Variants in WNT2B observed in about 807,000 individuals in gnomAD.
WNT2B encodes the protein protein Wnt-2b.
A neutral mutation model predicts 40.5 loss-of-function variants in WNT2B; 19 were observed. The ratio of observed to expected loss-of-function variants is 0.47; its 90% CI spans 0.33 to 0.69. The LOEUF (loss-of-function observed/expected upper bound fraction) is 0.69, where lower values mean the gene tolerates loss of function less well. WNT2B is among the 30% of genes least tolerant of loss of function. The pLI is 0.02. For missense variants in WNT2B, 467 were observed against 556.4 expected, an observed-to-expected ratio of 0.84 and a Z score of 1.62; for synonymous variants, 220 against 211.9, an observed-to-expected ratio of 1.04 and a Z score of -0.33.
chr1:112,482,978 C>T (rs1338172069), intron 1 of WNT2B, among the ~76,000 whole-genome samples: 1 of 152,030 alleles, frequency 6.6e-6, no homozygotes, highest in African/African-American at 2.4e-5. Flanking sequence ...CCTAGAATGT[C>T]CAAAGCAATC....
At chr1:112,486,120 T>C (rs1250568113) in intron 1 of WNT2B, among the ~76,000 whole-genome samples, 1 of 86,132 alleles carries the variant, frequency 1.2e-5, no homozygotes, top group Non-Finnish European at 2.2e-5. Context: ...CTGGGCAAGA[T>C]AATGAGTTTT....
chr1:112,509,405 T>G lies in WNT2B; in HGVS notation c.143T>G (p.Leu48Arg). The change falls in exon 1 of 5, where the codon CTG (leucine) becomes CGG (arginine). Residue 48 changes from leucine to arginine, a missense_variant. By Grantham distance (102) the Leu-to-Arg change is moderately radical. This residue lies in a region of WNT2B where 137 missense variants were observed against 117.7 expected (regional missense o/e 1.16). Coordinates refer to ENST00000369684, the MANE Select transcript of WNT2B (RefSeq NM_024494.3). This position sits in a 1 kb window ranked among gnomAD's most constrained non-coding sequence, Gnocchi z 4.2. ...RLGLACLLLL[L>R]LLTLPARVDT... ...GGTCTTGCCTGCCTTCTGCTCCTGC[T>G]GCTGCTGACGCTGCCGGCCCGCGTA... 1.3e-6 allele frequency: 2 copies of G among 1,595,508 alleles called. No homozygotes were observed. Among genetic ancestry groups the G allele is most frequent in the Non-Finnish European group, 1.7e-6 (2 of 1,176,814 alleles).
chr1:112,503,943 G>A (rs1652034373), intron 1 of WNT2B, among the ~76,000 whole-genome samples: 1 of 152,184 alleles, frequency 6.6e-6, no homozygotes, highest in Non-Finnish European at 1.5e-5. Context: ...CAGAGTGGGA[G>A]GGAGGCAGGC....
intron 1 of WNT2B, among the ~76,000 whole-genome samples, chr1:112,479,487 TCG>T: frequency 6.6e-6 from 1 of 151,560 alleles, no homozygotes; most frequent in Non-Finnish European, 1.5e-5. Flanking sequence ...GGCAGGAGAA[TCG>T]CTGGAACCTG....
intron 1 of WNT2B, among the ~76,000 whole-genome samples, chr1:112,502,140 C>G (rs1187742052): frequency 6.6e-6 from 1 of 152,200 alleles, no homozygotes; most frequent in Non-Finnish European, 1.5e-5. Context: ...CTCGCTCTCC[C>G]GGGCTACTCC....
chr1:112,506,062 A>G (rs1418324336), upstream of WNT2B, among the ~76,000 whole-genome samples: 1 of 152,128 alleles, frequency 6.6e-6, no homozygotes, highest in Admixed American at 6.5e-5. Context: ...GGCTGGGTGC[A>G]GTGGTGCATT....
At chr1:112,499,708 A>G (rs1651887858) in intron 1 of WNT2B, among the ~76,000 whole-genome samples, 1 of 152,252 alleles carries the variant, frequency 6.6e-6, no homozygotes, top group African/African-American at 2.4e-5. Flanking sequence ...TTACTAAATC[A>G]GAGTGTTATC....
intron 1 of WNT2B, among the ~76,000 whole-genome samples, chr1:112,481,634 G>A (rs1262753662): frequency 6.6e-6 from 1 of 152,156 alleles, no homozygotes; most frequent in Non-Finnish European, 1.5e-5. Context: ...CATGTACATA[G>A]AAAACACAGA....
intron 1 of WNT2B, among the ~76,000 whole-genome samples, chr1:112,510,752 TG>T (rs1245760487): frequency 1.3e-5 from 2 of 151,574 alleles, no homozygotes; most frequent in East Asian, 3.9e-4. Context: ...GGGGGGGTTC[TG>T]GTTGGGGGAA....
rs1243374253 is a variant in WNT2B, at chr1:112,522,738, AC to A, written c.*2230del. ...ATTTGCTCTGGTTTCACATCCATTA[AC>A]ACAAAACATGAGCTAGTCAGGGCCC... is the stretch of plus-strand genomic sequence containing the variant. On this transcript the variant is annotated 3_prime_UTR_variant, in exon 5 of 5. Coordinates refer to ENST00000369684, the MANE Select transcript of WNT2B (RefSeq NM_024494.3). 6.6e-6 allele frequency: 1 copy of A among 152,304 alleles called. No individual in the cohort carries two copies. Among genetic ancestry groups the A allele is most frequent in the Non-Finnish European group, 1.5e-5 (1 of 68,140 alleles). 9.4% of individuals were successfully genotyped at this position (152,304 alleles called of 1,614,324 possible).
At chr1:112,493,312 C>G (rs1651658288) in intron 1 of WNT2B, among the ~76,000 whole-genome samples, 1 of 152,128 alleles carries the variant, frequency 6.6e-6, no homozygotes, top group African/African-American at 2.4e-5. Flanking sequence ...ATAAGGCTAC[C>G]TCAAAAGAAA....
upstream of WNT2B, among the ~76,000 whole-genome samples, chr1:112,506,030 C>T (rs1244702047): frequency 6.6e-6 from 1 of 152,078 alleles, no homozygotes; most frequent in African/African-American, 2.4e-5. Flanking sequence ...TATTTTGAGA[C>T]AGGGTCTCAC....
chr1:112,474,894 C>T (rs570941570), intron 1 of WNT2B, among the ~76,000 whole-genome samples: 1 of 152,044 alleles, frequency 6.6e-6, no homozygotes, highest in African/African-American at 2.4e-5. Context: ...CAATCCCCCA[C>T]ACACACACCC....
intron 1 of WNT2B, among the ~76,000 whole-genome samples, chr1:112,477,668 A>C (rs1304560057): frequency 6.6e-6 from 1 of 152,246 alleles, no homozygotes; most frequent in Non-Finnish European, 1.5e-5. Context: ...TTAAAAGTTC[A>C]AGAAAGAGAT....
chr1:112,509,867 C>G lies in WNT2B; in HGVS notation c.182+423C>G, dbSNP rs892252469. On this transcript the variant is annotated intron_variant, in intron 1 of 4. Coordinates refer to ENST00000369684, the MANE Select transcript of WNT2B (RefSeq NM_024494.3). This position sits in a 1 kb window ranked among gnomAD's most constrained non-coding sequence, Gnocchi z 4.2. ...GAGAGGTGGAGAAAGGGGCAGCTCGCTAGTCTAGCCCACCCATACCACAGG... is the reference window on the plus strand; with the variant it reads ...GAGAGGTGGAGAAAGGGGCAGCTCGGTAGTCTAGCCCACCCATACCACAGG... Among the ~76,000 whole-genome samples, 1 of 152,204 alleles carries G rather than the reference C, an allele frequency of 6.6e-6. No individual in the cohort carries two copies. Among genetic ancestry groups the G allele is most frequent in the African/African-American group, 2.4e-5 (1 of 41,454 alleles).
rs568401745 is a variant in WNT2B at position 112,522,014 on chromosome 1, C to A, written c.*1505C>A. On this transcript the variant is annotated 3_prime_UTR_variant, in exon 5 of 5. Coordinates refer to ENST00000369684, the MANE Select transcript of WNT2B (RefSeq NM_024494.3). ...CTCATCTGTAAAATGAGGATACGTA[C>A]CTGTTCTTTTTTTTCTTTCTTTTTA... 6.6e-6 allele frequency: 1 copy of A among 152,180 alleles called. No individual in the cohort carries two copies. The highest frequency in any genetic ancestry group is 1.9e-4 in the East Asian group (1 of 5,176). 9.4% of individuals were successfully genotyped at this position (152,180 alleles called of 1,614,324 possible). A position where few individuals can be genotyped will look rare whatever the true frequency, so the allele number is the denominator to read the frequency against.
intron 1 of WNT2B, chr1:112,467,679 G>A (rs1004572573): frequency 4.3e-6 from 3 of 705,450 alleles, no homozygotes; most frequent in Non-Finnish European, 5.3e-6. Flanking sequence ...CATATTTATG[G>A]GGTATATATG....
rs58250277 is a variant in WNT2B at position 112,483,181 on chromosome 1, T to TACACACACACAC, written c.-95+15620_-95+15631dup. Among the ~76,000 whole-genome samples the TACACACACACAC allele has an allele frequency of 8.9e-4, 125 of 141,124 alleles. 4 individuals carry two copies. The highest frequency in any genetic ancestry group is 2.3e-4 in the African/African-American group (8 of 35,388). The allele number at this position is 141,124 out of a possible 152,430, so 92.6% of individuals were successfully genotyped here. ...TGCACTCTAGCCTGGGCAACATAGA[T>TACACACACACAC]ACACACACACACACACACACACACA... On this transcript the variant is annotated intron_variant, in intron 1 of 4. Coordinates refer to the WNT2B transcript ENST00000256640.
chr1:112,477,940 A>C (rs1238410965), intron 1 of WNT2B, among the ~76,000 whole-genome samples: 1 of 152,260 alleles, frequency 6.6e-6, no homozygotes, highest in Non-Finnish European at 1.5e-5. Context: ...GGAGTTCCAA[A>C]ACCAGAAGAG....
Sources: gnomAD v4.1 joint callset for allele counts (sites outside exome capture counted in the v4.1 genomes callset) on GRCh38, gnomAD v4.1.1 for gene constraint, gnomAD v4.1.1 regional missense constraint, Gnocchi (gnomAD v3.1) non-coding constraint, MANE v1.5 for transcripts, NCBI Gene and HGNC (gene_info 2026-07-23, HGNC 2026-07-21) for gene names.